APBA2: variants seen among roughly 807,000 people sequenced by gnomAD.
APBA2 encodes amyloid beta precursor protein binding family A member 2.
Under a neutral mutation model 75.0 loss-of-function variants are expected in APBA2, and 30 were observed. The ratio of observed to expected loss-of-function variants is 0.40; its 90% CI spans 0.30 to 0.54. The LOEUF (loss-of-function observed/expected upper bound fraction) is 0.54, where lower values mean the gene tolerates loss of function less well. Ranked by LOEUF, APBA2 falls within the 20% of genes least tolerant of loss-of-function variation. APBA2 has a pLI of 0.49. For missense variants in APBA2, 801 were observed against 1,016.1 expected (o/e 0.79, Z 2.88); for synonymous variants, 444 against 409.6 (o/e 1.08, Z -1.01).
intron 3 of APBA2, among the ~76,000 whole-genome samples, chr15:29,050,783 T>C (rs1261211410): frequency 3.3e-5 from 5 of 152,222 alleles, no homozygotes; most frequent in African/African-American, 1.2e-4. Context: ...ACAGAGATTT[T>C]GAAGTTAAGA....
chr15:28,963,496 A>G (rs1191168913), intron 2 of APBA2, among the ~76,000 whole-genome samples: 1 of 152,230 alleles, frequency 6.6e-6, no homozygotes, highest in Non-Finnish European at 1.5e-5. Flanking sequence ...TCCAAGCCAC[A>G]CAGCTAACAG....
intron 9 of APBA2, 129 bp from the exon 10 acceptor site, chr15:29,101,470 G>T (rs1389043042): frequency 5.3e-6 from 5 of 937,056 alleles, no homozygotes; most frequent in Non-Finnish European, 8.4e-6. Context: ...GACCTCAGGT[G>T]ATCTGCCTGC....
intron 10 of APBA2, among the ~76,000 whole-genome samples, chr15:29,104,064 C>G (rs2044274847): frequency 6.6e-6 from 1 of 152,258 alleles, no homozygotes; most frequent in Non-Finnish European, 1.5e-5. Context: ...GAGGGCAGGC[C>G]GCCTGCTGCG....
chr15:29,057,275 T>C (rs1465217710), intron 4 of APBA2, among the ~76,000 whole-genome samples: 5 of 152,214 alleles, frequency 3.3e-5, no homozygotes, highest in Admixed American at 2.0e-4. Context: ...GAAATCTGCA[T>C]TTCAACAAGA....
At chr15:28,939,657 A>G (rs564134552) in intron 2 of APBA2, among the ~76,000 whole-genome samples, 13 of 152,336 alleles carry the variant, frequency 8.5e-5, no homozygotes, top group African/African-American at 3.1e-4. Context: ...AGAGGAATGT[A>G]GTGTGATCTC....
At chr15:28,894,663 C>G (rs2032350895) in intron 1 of APBA2, among the ~76,000 whole-genome samples, 1 of 152,098 alleles carries the variant, frequency 6.6e-6, no homozygotes, top group Non-Finnish European at 1.5e-5. Flanking sequence ...CTTGGTGGCC[C>G]TAGAGAGTCC....
intron 1 of APBA2, chr15:28,895,373 G>C (rs1162313356): frequency 3.9e-5 from 6 of 152,404 alleles, no homozygotes; most frequent in Admixed American, 2.6e-4. Context: ...CAGGGCTTGG[G>C]AAAGAGAGCG....
chr15:28,955,442 T>G (rs1196400675), intron 2 of APBA2, among the ~76,000 whole-genome samples: 1 of 152,180 alleles, frequency 6.6e-6, no homozygotes, highest in Non-Finnish European at 1.5e-5. Context: ...TGTCCTCTGA[T>G]TCCCATCCTG....
chr15:29,083,027 G>C (rs1359245705), intron 6 of APBA2, among the ~76,000 whole-genome samples: 1 of 151,820 alleles, frequency 6.6e-6, no homozygotes, highest in Non-Finnish European at 1.5e-5. Flanking sequence ...GTGCCACAGT[G>C]CTCCAGCCTG....
chr15:29,053,766 T>A (rs1260528240), intron 3 of APBA2, 79 bp from the exon 4 acceptor site: 25 of 839,650 alleles, frequency 3.0e-5, no homozygotes, highest in Non-Finnish European at 4.5e-5. Context: ...TGGTGGGAGG[T>A]GCTGTGGTGA....
intron 6 of APBA2, among the ~76,000 whole-genome samples, chr15:29,078,099 A>G (rs1329106428): frequency 6.6e-5 from 10 of 151,922 alleles, no homozygotes; most frequent in African/African-American, 1.9e-4. Flanking sequence ...GATCAAGACC[A>G]TCCTGGCCAA....
At chr15:28,899,976 G>T (rs1246671310) in intron 1 of APBA2, among the ~76,000 whole-genome samples, 1 of 152,194 alleles carries the variant, frequency 6.6e-6, no homozygotes, top group Admixed American at 6.5e-5. Flanking sequence ...GGAGAGATGA[G>T]GAGGCAGGGC....
intron 3 of APBA2, among the ~76,000 whole-genome samples, chr15:29,031,666 TTGCTGATTGGTGTGTTTTACAGAG>T (rs1420968373): frequency 1.3e-5 from 2 of 152,142 alleles, no homozygotes; most frequent in Non-Finnish European, 2.9e-5. Context: ...ATGTTACAGA[TTGCTGATTGGTGTGTTTTACAGAG>T]TGCTGATTGG....
intron 1 of APBA2, among the ~76,000 whole-genome samples, chr15:28,903,301 C>T (rs1195069402): frequency 6.6e-6 from 1 of 152,168 alleles, no homozygotes; most frequent in East Asian, 1.9e-4. Flanking sequence ...ACGATAGTGA[C>T]CAAAGCTGTT....
chr15:29,057,852 C>G (rs1225748687), intron 4 of APBA2, among the ~76,000 whole-genome samples: 1 of 152,150 alleles, frequency 6.6e-6, no homozygotes, highest in African/African-American at 2.4e-5. Flanking sequence ...GGATAAATCC[C>G]CATGCCGTAC....
At position 28,907,690 on chromosome 15, in the gene APBA2, C is replaced by T. The variant is rs147538592; in HGVS notation, c.-204-13950C>T. Among the ~76,000 whole-genome samples, 1,484 of 151,068 alleles carry T rather than the reference C, an allele frequency of 9.8e-3. 9 individuals are homozygous for T. The highest frequency in any genetic ancestry group is 0.016 in the Non-Finnish European group (1,055 of 67,656). ...CAATGCTTGGGAAGTGTAGAGCTTG[C>T]GTCCCATCATAGATATGACTCCGAA... On this transcript the variant is annotated intron_variant, in intron 1 of 14. Coordinates refer to ENST00000683413, the MANE Select transcript of APBA2 (RefSeq NM_001353788.2).
rs769232102 is a variant in APBA2 at position 29,054,643 on chromosome 15, G to A, written c.759G>A (p.Gly253=). 8.1e-6 allele frequency: 13 copies of A among 1,614,030 alleles called. No homozygotes were observed. Among genetic ancestry groups the A allele is most frequent in the Non-Finnish European group, 1.0e-5 (12 of 1,180,026 alleles). The change falls in exon 4 of 15, where the codon GGG becomes GGA. Residue 253 remains glycine, a synonymous_variant. Coordinates refer to ENST00000683413, the MANE Select transcript of APBA2 (RefSeq NM_001353788.2). This position sits in a 1 kb window ranked among gnomAD's most constrained non-coding sequence, Gnocchi z 6.1. Reference sequence around the variant, plus strand: ...CCAGTGAGGCCAGCCCCGAGCATGGGCCTGAGCCAGGGCCTGAGGACTCTG... The same window carrying A: ...CCAGTGAGGCCAGCCCCGAGCATGGACCTGAGCCAGGGCCTGAGGACTCTG... The part of the protein sequence containing the change: ...TSASEASPEH[G]PEPGPEDSVE...
At chr15:28,916,853 T>C (rs2033711113) in intron 1 of APBA2, among the ~76,000 whole-genome samples, 1 of 152,204 alleles carries the variant, frequency 6.6e-6, no homozygotes, top group South Asian at 2.1e-4. Flanking sequence ...TTTTAAAAGA[T>C]TGCGGCAATG....
intron 2 of APBA2, among the ~76,000 whole-genome samples, chr15:28,932,240 A>G (rs1312814663): frequency 6.6e-6 from 1 of 152,032 alleles, no homozygotes; most frequent in East Asian, 1.9e-4. Flanking sequence ...GTTTTTCTGA[A>G]CCCTGGAGAG....
Sources: gnomAD v4.1 joint callset for allele counts (sites outside exome capture counted in the v4.1 genomes callset) on GRCh38, gnomAD v4.1.1 for gene constraint, Gnocchi (gnomAD v3.1) non-coding constraint, MANE v1.5 for transcripts, NCBI Gene and HGNC (gene_info 2026-07-23, HGNC 2026-07-21) for gene names.